The following SLC9C2 variants were observed in gnomAD, a reference collection of about 807,000 sequenced individuals.
SLC9C2 encodes sodium/hydrogen exchanger 11.
SLC9C2 carries 75 observed loss-of-function variants against 140.2 expected under a neutral mutation model. The observed-to-expected ratio is 0.53, with a 90% CI of 0.44 to 0.65. The LOEUF (loss-of-function observed/expected upper bound fraction) is 0.65. SLC9C2 is among the 30% of genes least tolerant of loss of function. The probability of loss-of-function intolerance (pLI) is 0.00; values close to 1 mark genes in which losing one functional copy is unlikely to be tolerated. For missense variants in SLC9C2, 1,074 were observed against 1,331.8 expected, an observed-to-expected ratio of 0.81 and a Z score of 3.01; for synonymous variants, 375 against 420.9, an observed-to-expected ratio of 0.89 and a Z score of 1.34.
At chr1:173,562,620 A>T (rs12060317) in intron 9 of SLC9C2, among the ~76,000 whole-genome samples, 54,726 of 152,054 alleles carry the variant, frequency 0.36, 12,456 homozygotes, top group East Asian at 0.64. Flanking sequence ...ATGAAAATAC[A>T]TTGAATAAAT....
intron 9 of SLC9C2, among the ~76,000 whole-genome samples, chr1:173,559,289 C>A (rs560209652): frequency 6.6e-6 from 1 of 152,354 alleles, no homozygotes; most frequent in African/African-American, 2.4e-5. Flanking sequence ...TCCCCCTGCC[C>A]TGCCTTTCCA....
chr1:173,587,553 GCA>G (rs969390609), intron 5 of SLC9C2, 110 bp downstream of exon 5: 28 of 1,042,844 alleles, frequency 2.7e-5, no homozygotes, highest in Non-Finnish European at 3.6e-5. Flanking sequence ...GAAAAAAAAA[GCA>G]CAGAGTCTTA....
chr1:173,600,011 C>T, intron 3 of SLC9C2, 106 bp downstream of exon 3: 1 of 653,528 alleles, frequency 1.5e-6, no homozygotes, highest in Non-Finnish European at 2.5e-6. Flanking sequence ...TTTTGAGTAG[C>T]TGTTCCCATA....
In SLC9C2 at chr1:173,517,648, C is replaced by G. The variant is rs1224078886; in HGVS notation, c.2796G>C (p.Gly932=). 6.2e-7 allele frequency: 1 copy of G among 1,613,892 alleles called. No homozygotes were observed. The highest frequency in any genetic ancestry group is 8.5e-7 in the Non-Finnish European group (1 of 1,179,948). ...AGAACTCTGTAAACATGTCTCTGGA[C>G]CCTCTATCACACCTTTGATTACTCT... ...GIESNQRCDR[G]SRDMFTEFCT... is the part of the protein sequence containing the mutation. Residue 932 remains glycine, a synonymous_variant, in exon 23 of 28, where the codon GGG becomes GGC. Coordinates refer to ENST00000367714, the MANE Select transcript of SLC9C2 (RefSeq NM_178527.4).
At chr1:173,549,790 T>G (rs529115767) in intron 11 of SLC9C2, among the ~76,000 whole-genome samples, 10 of 152,220 alleles carry the variant, frequency 6.6e-5, no homozygotes, top group African/African-American at 2.4e-4. Flanking sequence ...AAAGAAATTC[T>G]GAAGCTTGGT....
intron 19 of SLC9C2, among the ~76,000 whole-genome samples, chr1:173,525,186 T>G (rs1416411170): frequency 6.6e-6 from 1 of 152,182 alleles, no homozygotes; most frequent in Non-Finnish European, 1.5e-5. Context: ...CCTCCATATC[T>G]CTATTATGGA....
intron 4 of SLC9C2, 151 bp downstream of exon 4, chr1:173,597,753 C>A (rs1666525119): frequency 1.4e-6 from 1 of 720,828 alleles, no homozygotes; most frequent in African/African-American, 1.8e-5. Flanking sequence ...CCCTTCAATT[C>A]TTTTTAGTTA....
intron 8 of SLC9C2, among the ~76,000 whole-genome samples, chr1:173,575,663 G>A (rs1161956148): frequency 6.6e-6 from 1 of 151,974 alleles, no homozygotes; most frequent in East Asian, 1.9e-4. Context: ...TGCAAGCTCC[G>A]CCTCCCGGGT....
At chr1:173,540,872 G>A (rs1002331840) in intron 13 of SLC9C2, among the ~76,000 whole-genome samples, 2 of 152,072 alleles carry the variant, frequency 1.3e-5, no homozygotes, top group African/African-American at 4.8e-5. Flanking sequence ...TTCTACAGCT[G>A]GCAAAGATCT....
At chr1:173,548,702 TC>T in intron 11 of SLC9C2, 150 bp from the exon 12 acceptor site, 1 of 742,286 alleles carries the variant, frequency 1.3e-6, no homozygotes, top group Non-Finnish European at 2.2e-6. Context: ...TACAAAACTT[TC>T]CAGAAGATTA....
chr1:173,598,145 C>T (rs1666547174), intron 3 of SLC9C2, 113 bp from the exon 4 acceptor site: 6 of 1,163,588 alleles, frequency 5.2e-6, no homozygotes, highest in South Asian at 2.8e-5. Flanking sequence ...TTACAGCTAA[C>T]GAGAGAGTAT....
chr1:173,557,787 TA>T (rs1225202144), intron 9 of SLC9C2, among the ~76,000 whole-genome samples: 2 of 152,186 alleles, frequency 1.3e-5, no homozygotes, highest in Non-Finnish European at 2.9e-5. Flanking sequence ...AATTGGGTAG[TA>T]AATGCTCACA....
At chr1:173,512,761 C>T (rs1204126870) in intron 23 of SLC9C2, among the ~76,000 whole-genome samples, 1 of 152,148 alleles carries the variant, frequency 6.6e-6, no homozygotes, top group Non-Finnish European at 1.5e-5. Flanking sequence ...CAGCTTTTGC[C>T]ATTCAGTATG....
chr1:173,541,645 T>C (rs1662429752), intron 13 of SLC9C2, among the ~76,000 whole-genome samples: 1 of 152,088 alleles, frequency 6.6e-6, no homozygotes, highest in Non-Finnish European at 1.5e-5. Context: ...AGAACAGAAA[T>C]CACAACAAAC....
chr1:173,557,828 C>T (rs1663815834), intron 9 of SLC9C2, among the ~76,000 whole-genome samples: 1 of 152,112 alleles, frequency 6.6e-6, no homozygotes, highest in South Asian at 2.1e-4. Flanking sequence ...TGCTGACAAG[C>T]TCATCTACTC....
At chr1:173,530,746 A>G (rs1661519064) in intron 17 of SLC9C2, among the ~76,000 whole-genome samples, 1 of 152,112 alleles carries the variant, frequency 6.6e-6, no homozygotes, top group African/African-American at 2.4e-5. Context: ...CTCAAAATCC[A>G]CATCGTCACT....
intron 18 of SLC9C2, 115 bp downstream of exon 18, chr1:173,529,790 C>G (rs1661445535): frequency 8.8e-7 from 1 of 1,135,812 alleles, no homozygotes; most frequent in Non-Finnish European, 1.2e-6. Flanking sequence ...ACAACTGAAT[C>G]CCTTTCAACT....
intron 27 of SLC9C2, among the ~76,000 whole-genome samples, chr1:173,501,613 C>A (rs1659280200): frequency 6.7e-6 from 1 of 148,978 alleles, no homozygotes; most frequent in African/African-American, 2.5e-5. Flanking sequence ...CAGGTTCATG[C>A]CATTCTCCTG....
chr1:173,540,544 C>T (rs1662313363), intron 13 of SLC9C2, among the ~76,000 whole-genome samples: 1 of 152,130 alleles, frequency 6.6e-6, no homozygotes, highest in Non-Finnish European at 1.5e-5. Context: ...GCTGGAAGAG[C>T]AGTGGGGAAA....
Sources: gnomAD v4.1 joint callset for allele counts (sites outside exome capture counted in the v4.1 genomes callset) on GRCh38, gnomAD v4.1.1 for gene constraint, MANE v1.5 for transcripts, NCBI Gene and HGNC (gene_info 2026-07-23, HGNC 2026-07-21) for gene names.